The following TTC28 variants were observed in gnomAD, a reference collection of about 807,000 sequenced individuals.
The protein encoded by TTC28 is tetratricopeptide repeat protein 28.
TTC28 carries 61 observed loss-of-function variants against 198.0 expected under a neutral mutation model. That is an observed-to-expected ratio of 0.31 (90% confidence interval 0.25 to 0.38). The LOEUF (loss-of-function observed/expected upper bound fraction) is 0.38. TTC28 is among the 10% of genes least tolerant of loss of function. The pLI is 1.00. For synonymous variants in TTC28, 1,171 were observed against 1,297.8 expected (o/e 0.90, Z 2.10); for missense variants, 2,678 against 3,164.0 (o/e 0.85, Z 3.69).
At chr22:28,055,652 G>A (rs1940258140) in intron 12 of TTC28, among the ~76,000 whole-genome samples, 1 of 152,174 alleles carries the variant, frequency 6.6e-6, no homozygotes, top group Non-Finnish European at 1.5e-5. Context: ...GATGAGAAAA[G>A]TAGGTCTAAA....
In TTC28 at chr22:28,679,735, C is replaced by T; in HGVS notation, c.-12G>A. 9.9e-6 allele frequency: 12 copies of T among 1,215,156 alleles called. No individual in the cohort carries two copies. The highest frequency in any genetic ancestry group is 1.1e-5 in the Non-Finnish European group (11 of 975,100). 75.3% of individuals were successfully genotyped at this position (1,215,156 alleles called of 1,614,324 possible). A position where few individuals can be genotyped will look rare whatever the true frequency, so the allele number is the denominator to read the frequency against. On this transcript the variant is annotated 5_prime_UTR_variant, in exon 1 of 23. Transcript: ENST00000397906. ...GGCGACTGCTCCATCCCCACGGGGC[C>T]CGGGCCGCGTCCGCCTCGAGCTAAC...
rs556223025 is a variant in TTC28 at position 28,105,131 on chromosome 22, G to T, written c.3307+148C>A. ...ACCTGGTGGGGACACCGTGATTCTG[G>T]AGTTGAACTGACAATGTGGCCTCTG... On this transcript the variant is annotated intron_variant, in intron 8 of 22. Transcript: ENST00000397906. 5.0e-5 allele frequency: 40 copies of T among 794,874 alleles called. 1 individual carries two copies. In the South Asian group the frequency reaches 6.8e-4, roughly 14 times the overall value. The allele number at this position is 794,874 out of a possible 1,614,324, so 49.2% of individuals were successfully genotyped here.
intron 2 of TTC28, among the ~76,000 whole-genome samples, chr22:28,560,555 A>G (rs2049853185): frequency 6.6e-6 from 1 of 151,964 alleles, no homozygotes; most frequent in African/African-American, 2.4e-5. Context: ...TCCCATACAT[A>G]ATCATTCCCA....
chr22:28,191,611 G>A (rs896519855), intron 5 of TTC28, among the ~76,000 whole-genome samples: 9 of 152,242 alleles, frequency 5.9e-5, no homozygotes, highest in African/African-American at 1.7e-4. Context: ...CTTTTCCAAC[G>A]GTCTTAGCAA....
rs774254829 is a variant in TTC28 at position 27,983,406 on chromosome 22, A to G, written c.6261T>C (p.Pro2087=). The G allele has an allele frequency of 7.3e-5, 113 of 1,548,886 alleles. No homozygotes were observed. Among genetic ancestry groups the G allele is most frequent in the Non-Finnish European group, 9.3e-5 (107 of 1,146,450 alleles). The part of the protein sequence containing the change: ...CFSPDHKQPQ[P]GTAGGMRVSV... ...AGACTCTCATGCCTCCGGCTGTCCC[A>G]GGTTGGGGTTGTTTGTGGTCTGGTG... Residue 2087 remains proline, a synonymous_variant, in exon 23 of 23, where the codon CCT becomes CCC. Coordinates refer to ENST00000397906, the MANE Select transcript of TTC28 (RefSeq NM_001145418.2).
chr22:28,411,456 G>A (rs918799183), intron 2 of TTC28, among the ~76,000 whole-genome samples: 3 of 152,140 alleles, frequency 2.0e-5, no homozygotes, highest in Admixed American at 6.5e-5. Context: ...TCAGAAGAAC[G>A]TTCTTATCCT....
chr22:28,588,747 T>C (rs999436114), intron 2 of TTC28, among the ~76,000 whole-genome samples: 3 of 152,254 alleles, frequency 2.0e-5, no homozygotes, highest in African/African-American at 7.2e-5. Context: ...CTAGCCTCCA[T>C]GTCCACAGAC....
At chr22:28,084,267 C>G (rs4036493) in intron 12 of TTC28, among the ~76,000 whole-genome samples, 10,154 of 152,252 alleles carry the variant, frequency 0.067, 394 homozygotes, top group South Asian at 0.089. Flanking sequence ...ACCCCAGTAG[C>G]GGCGGACTGA....
At chr22:28,304,587 G>A (rs536673994) in intron 3 of TTC28, among the ~76,000 whole-genome samples, 1 of 152,270 alleles carries the variant, frequency 6.6e-6, no homozygotes, top group African/African-American at 2.4e-5. Context: ...CATAAGATGG[G>A]AAAGAACCTG....
At chr22:28,659,461 G>A (rs1421343734) in intron 1 of TTC28, among the ~76,000 whole-genome samples, 2 of 152,074 alleles carry the variant, frequency 1.3e-5, no homozygotes, top group African/African-American at 4.8e-5. Context: ...TGGAGATGGG[G>A]TTTTACCAGT....
At chr22:28,576,046 G>A (rs1261711203) in intron 2 of TTC28, among the ~76,000 whole-genome samples, 1 of 152,080 alleles carries the variant, frequency 6.6e-6, no homozygotes, top group Non-Finnish European at 1.5e-5. Flanking sequence ...TAACAGTGGT[G>A]AAAGTGGGCA....
intron 12 of TTC28, among the ~76,000 whole-genome samples, chr22:28,031,539 G>T (rs929675848): frequency 1.3e-5 from 2 of 152,160 alleles, no homozygotes; most frequent in Non-Finnish European, 2.9e-5. Flanking sequence ...GAAGAATAAG[G>T]CTTGGTGCAT....
chr22:28,467,475 G>C (rs893403822), intron 2 of TTC28, among the ~76,000 whole-genome samples: 2 of 152,144 alleles, frequency 1.3e-5, no homozygotes, highest in Non-Finnish European at 2.9e-5. Context: ...TATATTTATT[G>C]ATTTGTTGGC....
chr22:28,335,286 C>T (rs538461122), intron 2 of TTC28, among the ~76,000 whole-genome samples: 14 of 152,160 alleles, frequency 9.2e-5, no homozygotes, highest in African/African-American at 2.2e-4. Context: ...AGTCAGGTAC[C>T]GTGATGCCTC....
At chr22:28,332,995 T>C (rs80333342) in intron 2 of TTC28, among the ~76,000 whole-genome samples, 5,509 of 152,158 alleles carry the variant, frequency 0.036, 188 homozygotes, top group East Asian at 0.17. Context: ...AGAACAGCAA[T>C]GTAAATGTAA....
chr22:28,389,631 G>C (rs1321372891), intron 2 of TTC28, among the ~76,000 whole-genome samples: 1 of 151,104 alleles, frequency 6.6e-6, no homozygotes, highest in Non-Finnish European at 1.5e-5. Context: ...TATTTGCGTA[G>C]AGGTGTTTGT....
At chr22:28,494,538 C>T (rs1054157305) in intron 2 of TTC28, among the ~76,000 whole-genome samples, 5 of 152,148 alleles carry the variant, frequency 3.3e-5, no homozygotes, top group African/African-American at 1.2e-4. Context: ...TAACCCCTCA[C>T]TAGAGACTTT....
At chr22:28,077,669 T>C (rs1668527073) in intron 12 of TTC28, among the ~76,000 whole-genome samples, 1 of 152,168 alleles carries the variant, frequency 6.6e-6, no homozygotes, top group Non-Finnish European at 1.5e-5. Flanking sequence ...ACCAGTATTT[T>C]GAAATAAGAA....
chr22:28,326,435 GTAAA>G (rs2045530896), intron 2 of TTC28, among the ~76,000 whole-genome samples: 1 of 152,108 alleles, frequency 6.6e-6, no homozygotes. Context: ...AAAGGTTTGA[GTAAA>G]TAGTGGTAAC....
Sources: gnomAD v4.1 joint callset for allele counts (sites outside exome capture counted in the v4.1 genomes callset) on GRCh38, gnomAD v4.1.1 for gene constraint, MANE v1.5 for transcripts, NCBI Gene and HGNC (gene_info 2026-07-23, HGNC 2026-07-21) for gene names.